SUGP1: variants seen among roughly 807,000 people sequenced by gnomAD.
SUGP1 encodes SURP and G-patch domain-containing protein 1.
In SUGP1, 34 loss-of-function variants were observed where a neutral mutation model predicts 76.5. That is an observed-to-expected ratio of 0.44 (90% confidence interval 0.34 to 0.59). SUGP1 has a LOEUF of 0.59. SUGP1 is among the 20% of genes least tolerant of loss of function. The pLI is 0.01. For missense variants in SUGP1, 752 were observed against 851.7 expected, an observed-to-expected ratio of 0.88 and a Z score of 1.46; for synonymous variants, 326 against 326.2, an observed-to-expected ratio of 1.00 and a Z score of 0.01.
intron 1 of SUGP1, among the ~76,000 whole-genome samples, chr19:19,318,205 C>G (rs2061409714): frequency 6.8e-6 from 1 of 147,240 alleles, no homozygotes; most frequent in Middle Eastern, 3.8e-3. Flanking sequence ...GCAATCTCCA[C>G]CTCCAGAGTT....
chr19:19,296,431 G>A (rs1326321879), intron 8 of SUGP1, among the ~76,000 whole-genome samples: 1 of 152,022 alleles, frequency 6.6e-6, no homozygotes, highest in African/African-American at 2.4e-5. Flanking sequence ...GAGATCACGA[G>A]GTCAGGAGAT....
intron 2 of SUGP1, 77 bp from the exon 3 acceptor site, chr19:19,310,277 TGAGGCC>T (rs1568634801): frequency 1.8e-6 from 2 of 1,119,318 alleles, no homozygotes; most frequent in Non-Finnish European, 2.7e-6. Flanking sequence ...AGGATGAGGA[TGAGGCC>T]ATCACCTCGT....
intron 8 of SUGP1, among the ~76,000 whole-genome samples, chr19:19,286,357 C>T (rs970869905): frequency 9.9e-5 from 15 of 152,098 alleles, no homozygotes; most frequent in African/African-American, 3.1e-4. Context: ...ATCAAAGCTA[C>T]GGAAGAGAAC....
At chr19:19,285,220 C>T (rs2061130677) in intron 8 of SUGP1, among the ~76,000 whole-genome samples, 1 of 151,664 alleles carries the variant, frequency 6.6e-6, no homozygotes, top group African/African-American at 2.4e-5. Context: ...GGATGGAGTG[C>T]AGTGGAGCAA....
At chr19:19,315,041 G>A (rs1366090072) in intron 2 of SUGP1, among the ~76,000 whole-genome samples, 1 of 151,366 alleles carries the variant, frequency 6.6e-6, no homozygotes, top group Non-Finnish European at 1.5e-5. Flanking sequence ...AAGAAGAAAA[G>A]GCAAACGCTG....
intron 3 of SUGP1, among the ~76,000 whole-genome samples, chr19:19,306,357 C>T (rs2061317990): frequency 6.6e-6 from 1 of 152,174 alleles, no homozygotes; most frequent in Non-Finnish European, 1.5e-5. Context: ...AGACTGGGGA[C>T]AGTTCTGGGG....
At position 19,302,346 on chromosome 19, in the gene SUGP1, T is replaced by G; in HGVS notation, c.806A>C (p.Lys269Thr). 6.2e-7 allele frequency: 1 copy of G among 1,614,156 alleles called. No homozygotes were observed. Among genetic ancestry groups the G allele is most frequent in the Non-Finnish European group, 8.5e-7 (1 of 1,180,020 alleles). Residue 269 changes from lysine to threonine, a missense_variant, in exon 7 of 14, where the codon AAG becomes ACG. This residue lies in a region of SUGP1 where 620 missense variants were observed against 617.3 expected (regional missense o/e 1.00). Coordinates refer to ENST00000247001, the MANE Select transcript of SUGP1 (RefSeq NM_172231.4). The part of the protein sequence containing the change: ...EDEEVKNLAE[K>T]LARFIADGGP... ...CCCGTCCGCTATGAACCTGGCCAAC[T>G]TTTCTGCAAGGTTCTTGACCTCTTC...
chr19:19,278,017 G>C, intron 11 of SUGP1, 138 bp from the exon 12 acceptor site: 1 of 1,066,496 alleles, frequency 9.4e-7, no homozygotes, highest in African/African-American at 1.6e-5. Context: ...CAGACTCCTT[G>C]AGAACAAACA....
Position 19,302,284 on chromosome 19 carries a change from G to A in SUGP1, c.868C>T (p.Arg290Cys), listed in dbSNP as rs144812014. 33 of 1,614,074 alleles carry A rather than the reference G, an allele frequency of 2.0e-5. No individual in the cohort carries two copies. In the Admixed American group the frequency reaches 3.5e-4, roughly 17 times the overall value. The change falls in exon 7 of 14, where the codon CGT becomes TGT. Residue 290 changes from arginine to cysteine, a missense_variant. Physicochemically the swap from Arg to Cys is radical, Grantham distance 180. This residue lies in a region of SUGP1 where 620 missense variants were observed against 617.3 expected (regional missense o/e 1.00). Transcript: ENST00000247001. Reference protein sequence around the residue: ...EVETIALQNNRENQAFSFLYE... With the variant: ...EVETIALQNNCENQAFSFLYE... Reference sequence around the variant, plus strand: ...CCTTACCTGAATGCCTGGTTCTCACGGTTGTTCTGGAGGGCAATGGTTTCC... The same window carrying A: ...CCTTACCTGAATGCCTGGTTCTCACAGTTGTTCTGGAGGGCAATGGTTTCC...
intron 8 of SUGP1, 78 bp downstream of exon 8, chr19:19,296,911 G>A (rs1313068197): frequency 3.3e-6 from 4 of 1,221,190 alleles, no homozygotes; most frequent in South Asian, 3.2e-5. Context: ...CTACACTGTG[G>A]ATGAACCTTG....
chr19:19,277,048 A>G lies in SUGP1; in HGVS notation c.1810T>C (p.Phe604Leu). ...AGCTCCGCCGGCCGGTCAATGCCGA[A>G]GCCAGCGCCGTCCACTGTGGTGGTG... ...KGTTTVDGAG[F>L]GIDRPAELSK... Residue 604 changes from phenylalanine to leucine, a missense_variant, in exon 13 of 14, where the codon TTC becomes CTC. This residue lies in a region of SUGP1 where 132 missense variants were observed against 234.4 expected (regional missense o/e 0.56). Transcript: ENST00000247001. 1.2e-6 allele frequency: 2 copies of G among 1,612,172 alleles called. No individual in the cohort carries two copies. Among genetic ancestry groups the G allele is most frequent in the Non-Finnish European group, 1.7e-6 (2 of 1,179,842 alleles).
intron 8 of SUGP1, among the ~76,000 whole-genome samples, chr19:19,291,065 C>T (rs1395265695): frequency 6.6e-6 from 1 of 152,050 alleles, no homozygotes; most frequent in African/African-American, 2.4e-5. Flanking sequence ...TGCAGTGAGA[C>T]AAGATCATGC....
chr19:19,278,328 C>T (rs1351569312), intron 11 of SUGP1, among the ~76,000 whole-genome samples: 1 of 152,212 alleles, frequency 6.6e-6, no homozygotes, highest in Non-Finnish European at 1.5e-5. Flanking sequence ...TCAGCCCTCT[C>T]TCCTCAGGAG....
intron 8 of SUGP1, among the ~76,000 whole-genome samples, chr19:19,293,908 G>C (rs1419068259): frequency 6.6e-6 from 1 of 152,180 alleles, no homozygotes; most frequent in Non-Finnish European, 1.5e-5. Context: ...AAACAGACCG[G>C]GTGCAGTAGC....
intron 7 of SUGP1, 149 bp downstream of exon 7, chr19:19,302,116 G>C (rs2061276378): frequency 7.8e-7 from 1 of 1,278,910 alleles, no homozygotes; most frequent in East Asian, 2.3e-5. Context: ...GGGAGGCAGA[G>C]CTGGGCTCTG....
At chr19:19,280,594 G>T in intron 8 of SUGP1, 1 of 335,526 alleles carries the variant, frequency 3.0e-6, no homozygotes, top group South Asian at 5.3e-5. Context: ...CACAGCTAAC[G>T]AGTGACAGGG....
At chr19:19,287,746 G>A (rs1009582102) in intron 8 of SUGP1, among the ~76,000 whole-genome samples, 2 of 152,154 alleles carry the variant, frequency 1.3e-5, no homozygotes, top group Non-Finnish European at 2.9e-5. Flanking sequence ...CTCATTATTC[G>A]AGACTGTTTC....
chr19:19,289,253 A>G (rs998580017), intron 8 of SUGP1, among the ~76,000 whole-genome samples: 4 of 152,206 alleles, frequency 2.6e-5, no homozygotes, highest in African/African-American at 9.6e-5. Flanking sequence ...CTATAATCTT[A>G]TAACAATTTT....
intron 6 of SUGP1, 115 bp from the exon 7 acceptor site, chr19:19,302,503 C>A: frequency 2.1e-6 from 3 of 1,430,196 alleles, no homozygotes; most frequent in Non-Finnish European, 2.9e-6. Flanking sequence ...CAAAGAGAAA[C>A]AGGCAAATGG....
Sources: gnomAD v4.1 joint callset for allele counts (sites outside exome capture counted in the v4.1 genomes callset) on GRCh38, gnomAD v4.1.1 for gene constraint, gnomAD v4.1.1 regional missense constraint, MANE v1.5 for transcripts, NCBI Gene and HGNC (gene_info 2026-07-23, HGNC 2026-07-21) for gene names.